SEMA5A: variants seen among roughly 807,000 people sequenced by gnomAD.
The protein encoded by SEMA5A is semaphorin-5A.
SEMA5A carries 55 observed loss-of-function variants against 135.5 expected under a neutral mutation model. The ratio of observed to expected loss-of-function variants is 0.41; its 90% confidence interval spans 0.33 to 0.51. SEMA5A has a LOEUF of 0.51. Ranked by LOEUF, SEMA5A falls within the 20% of genes least tolerant of loss-of-function variation. SEMA5A has a pLI of 0.37. For missense variants in SEMA5A, 1,290 were observed against 1,419.9 expected (o/e 0.91, Z 1.47); for synonymous variants, 580 against 546.5 (o/e 1.06, Z -0.85).
intron 1 of SEMA5A, among the ~76,000 whole-genome samples, chr5:9,466,661 A>G (rs184509367): frequency 2.0e-5 from 3 of 152,386 alleles, no homozygotes; most frequent in African/African-American, 7.2e-5. Flanking sequence ...AATGAATACA[A>G]TCTGCTCTTA....
chr5:9,408,838 T>C (rs1561229573), intron 2 of SEMA5A, among the ~76,000 whole-genome samples: 1 of 152,172 alleles, frequency 6.6e-6, no homozygotes, highest in South Asian at 2.1e-4. Context: ...TTAGTTATTT[T>C]TTTTTTAAAT....
At chr5:9,517,379 A>C (rs1011347514) in intron 1 of SEMA5A, 1 of 152,198 alleles carries the variant, frequency 6.6e-6, no homozygotes, top group East Asian at 1.9e-4. Flanking sequence ...CACTTCTCTA[A>C]GTGGGGTCCC....
chr5:9,200,087 G>A (rs1400589990), intron 9 of SEMA5A, among the ~76,000 whole-genome samples: 1 of 152,166 alleles, frequency 6.6e-6, no homozygotes, highest in African/African-American at 2.4e-5. Flanking sequence ...ACATGAAAAG[G>A]AGGTGGAAAA....
At chr5:9,414,516 C>G (rs898400459) in intron 2 of SEMA5A, among the ~76,000 whole-genome samples, 1 of 152,200 alleles carries the variant, frequency 6.6e-6, no homozygotes, top group Non-Finnish European at 1.5e-5. Context: ...CACTTTCAAA[C>G]GTTTAGGCAT....
chr5:9,108,170 C>T lies in SEMA5A; in HGVS notation c.2043G>A (p.Glu681=). 2 of 1,614,122 alleles carry T rather than the reference C, an allele frequency of 1.2e-6. No homozygotes were observed. The highest frequency in any genetic ancestry group is 1.7e-6 in the Non-Finnish European group (2 of 1,180,002). ...TGCAGCCTGCACAGTCAGGCCCATT[C>T]TCACAGATCCTGCGGCGAGCTTGAA... ...GGIQARRRIC[E]NGPDCAGCNV... The change falls in exon 16 of 23, where the codon GAG becomes GAA. Residue 681 remains glutamate (E), a synonymous_variant. Coordinates refer to ENST00000382496, the MANE Select transcript of SEMA5A (RefSeq NM_003966.3).
intron 2 of SEMA5A, among the ~76,000 whole-genome samples, chr5:9,400,836 C>G (rs1468923727): frequency 1.3e-5 from 2 of 152,106 alleles, no homozygotes; most frequent in Non-Finnish European, 2.9e-5. Context: ...ATGAAGAAAT[C>G]AACTCTACAA....
At chr5:9,106,309 C>T (rs922722569) in intron 16 of SEMA5A, among the ~76,000 whole-genome samples, 2 of 152,176 alleles carry the variant, frequency 1.3e-5, no homozygotes, top group African/African-American at 4.8e-5. Context: ...GCAATAAATA[C>T]ATTGATATTT....
At chr5:9,166,811 C>T (rs978232670) in intron 11 of SEMA5A, among the ~76,000 whole-genome samples, 4 of 152,322 alleles carry the variant, frequency 2.6e-5, no homozygotes, top group African/African-American at 9.6e-5. Context: ...ATCTAACCCA[C>T]AGCTTAAATA....
chr5:9,110,786 TTAAGA>T (rs953743212), intron 15 of SEMA5A, among the ~76,000 whole-genome samples: 1 of 152,118 alleles, frequency 6.6e-6, no homozygotes, highest in Non-Finnish European at 1.5e-5. Context: ...TTTTCCACAT[TTAAGA>T]TAACACAGAA....
intron 12 of SEMA5A, among the ~76,000 whole-genome samples, chr5:9,139,858 A>G (rs1221365116): frequency 6.6e-6 from 1 of 152,222 alleles, no homozygotes; most frequent in Non-Finnish European, 1.5e-5. Context: ...TAAAGATTAT[A>G]GAAACATCAC....
intron 1 of SEMA5A, among the ~76,000 whole-genome samples, chr5:9,539,560 G>C (rs1355985222): frequency 2.6e-5 from 4 of 152,124 alleles, no homozygotes; most frequent in Non-Finnish European, 5.9e-5. Context: ...TTTTAAATGA[G>C]AACATCCCTG....
intron 4 of SEMA5A, among the ~76,000 whole-genome samples, chr5:9,333,722 C>T (rs1753259852): frequency 6.6e-6 from 1 of 152,108 alleles, no homozygotes; most frequent in Non-Finnish European, 1.5e-5. Flanking sequence ...AGTATGCAAT[C>T]ATTCAACAAA....
At chr5:9,504,090 C>A (rs1456914045) in intron 1 of SEMA5A, among the ~76,000 whole-genome samples, 1 of 151,822 alleles carries the variant, frequency 6.6e-6, no homozygotes, top group Non-Finnish European at 1.5e-5. Flanking sequence ...TGGCTCATGC[C>A]TGTAATCCCA....
At chr5:9,491,567 A>G (rs1207314307) in intron 1 of SEMA5A, among the ~76,000 whole-genome samples, 3 of 152,148 alleles carry the variant, frequency 2.0e-5, no homozygotes, top group African/African-American at 7.2e-5. Context: ...GTAACAGTTT[A>G]TAACAGGCAA....
At chr5:9,420,616 C>G (rs1757431747) in intron 2 of SEMA5A, among the ~76,000 whole-genome samples, 1 of 152,252 alleles carries the variant, frequency 6.6e-6, no homozygotes, top group African/African-American at 2.4e-5. Flanking sequence ...GGGAGATGGC[C>G]TATATCCCTT....
At chr5:9,493,911 T>C (rs1735165874) in intron 1 of SEMA5A, among the ~76,000 whole-genome samples, 1 of 152,198 alleles carries the variant, frequency 6.6e-6, no homozygotes, top group African/African-American at 2.4e-5. Flanking sequence ...CTTAATATGC[T>C]CAGGTTCAAT....
At chr5:9,539,123 C>T (rs11951006) in intron 1 of SEMA5A, among the ~76,000 whole-genome samples, 14,656 of 152,248 alleles carry the variant, frequency 0.096, 958 homozygotes, top group Non-Finnish European at 0.14. Context: ...TGTCCAGTTC[C>T]CACTGCTAGC....
chr5:9,383,503 C>T (rs2126494667), intron 2 of SEMA5A, among the ~76,000 whole-genome samples: 1 of 152,254 alleles, frequency 6.6e-6, no homozygotes, highest in Non-Finnish European at 1.5e-5. Flanking sequence ...TGGTGCCAAG[C>T]ACTCACACCC....
chr5:9,242,712 TG>T (rs747711283), intron 5 of SEMA5A, among the ~76,000 whole-genome samples: 41 of 152,276 alleles, frequency 2.7e-4, no homozygotes, highest in Non-Finnish European at 5.4e-4. Flanking sequence ...AAATCTCCAC[TG>T]AAGAACTTAC....
Sources: allele counts gnomAD v4.1 joint callset (sites outside exome capture counted in the v4.1 genomes callset), GRCh38; gene constraint gnomAD v4.1.1; transcripts MANE v1.5; gene names NCBI Gene and HGNC (gene_info 2026-07-23, HGNC 2026-07-21).